TERB1: variants seen among roughly 807,000 people sequenced by gnomAD.
TERB1 encodes telomere repeats-binding bouquet formation protein 1.
In TERB1, 63 loss-of-function variants were observed where a neutral mutation model predicts 92.3. The ratio of observed to expected loss-of-function variants is 0.68; its 90% CI spans 0.56 to 0.84. TERB1 has a LOEUF of 0.84. TERB1 is among the 40% of genes least tolerant of loss of function. The pLI is 0.00. For synonymous variants in TERB1, 252 were observed against 283.9 expected, an observed-to-expected ratio of 0.89 and a Z score of 1.13; for missense variants, 709 against 843.7, an observed-to-expected ratio of 0.84 and a Z score of 1.98.
intron 10 of TERB1, among the ~76,000 whole-genome samples, chr16:66,778,579 G>A (rs139130441): frequency 4.9e-4 from 75 of 152,104 alleles, no homozygotes; most frequent in African/African-American, 1.8e-3. Context: ...CACCACGTTT[G>A]GCTAATTTTT....
chr16:66,762,370 A>T (rs750667995), intron 16 of TERB1, among the ~76,000 whole-genome samples: 1 of 152,130 alleles, frequency 6.6e-6, no homozygotes, highest in Non-Finnish European at 1.5e-5. Context: ...TTAACAGATA[A>T]GGAATTGTTT....
chr16:66,790,811 T>C (rs1441081986), intron 4 of TERB1, 88 bp from the exon 5 acceptor site: 2 of 1,437,796 alleles, frequency 1.4e-6, no homozygotes, highest in African/African-American at 2.8e-5. Flanking sequence ...ACATGATATG[T>C]AGAATAACTG....
At chr16:66,762,378 T>G (rs896595573) in intron 16 of TERB1, among the ~76,000 whole-genome samples, 8 of 152,096 alleles carry the variant, frequency 5.3e-5, no homozygotes, top group African/African-American at 1.7e-4. Context: ...TAAGGAATTG[T>G]TTTTTGTTTG....
At chr16:66,788,098 A>C in intron 6 of TERB1, 71 bp downstream of exon 6, 1 of 1,207,072 alleles carries the variant, frequency 8.3e-7, no homozygotes, top group Non-Finnish European at 1.1e-6. Flanking sequence ...TAAGAACTCA[A>C]ATAAAAAATT....
chr16:66,767,658 C>CTTTCTGT, intron 15 of TERB1, 148 bp from the exon 16 acceptor site: 1 of 558,652 alleles, frequency 1.8e-6, no homozygotes, highest in Admixed American at 3.7e-5. Flanking sequence ...GATTCTGGAT[C>CTTTCTGT]TTAATGGAAG....
Position 66,773,353 on chromosome 16 carries a change from T to A in TERB1, c.1112-604A>T, listed in dbSNP as rs867026799. Among the ~76,000 whole-genome samples the A allele has an allele frequency of 1.7e-4, 25 of 151,456 alleles. No individual in the cohort carries two copies. The South Asian group carries it at 2.9e-3, about 18-fold the overall frequency. ...CGTCTCAAAAATAAAGTAGTTTTTT[T>A]AAAAAAATAATGTTCAAAAATTGAT... On this transcript the variant is annotated intron_variant, in intron 12 of 18. Transcript: ENST00000433154.
chr16:66,785,826 G>A lies in TERB1; in HGVS notation c.660C>T (p.Arg220=). 1 of 1,548,242 alleles carries A rather than the reference G, an allele frequency of 6.5e-7. No individual in the cohort carries two copies. Reference sequence around the variant, plus strand: ...TGAGTCCAATAAATGAGCAAATAGGGCGAATTATCTCAGGTGTCGTGCAAT... The same window carrying A: ...TGAGTCCAATAAATGAGCAAATAGGACGAATTATCTCAGGTGTCGTGCAAT... ...LKNCTTPEII[R]PICSFIGLTL... Residue 220 remains arginine, a synonymous_variant, in exon 9 of 19, where the codon CGC becomes CGT. Transcript: ENST00000433154.
Position 66,770,230 on chromosome 16 carries a change from T to A in TERB1, c.1352A>T (p.His451Leu). The change falls in exon 14 of 19, where the codon CAT becomes CTT. Residue 451 changes from histidine to leucine, a missense_variant. Transcript: ENST00000433154. Reference sequence around the variant, plus strand: ...GCTACCTCGACCAATCCGATCTGCATGGAGATGTTTCCATGTATTCTGAAT... The same window carrying A: ...GCTACCTCGACCAATCCGATCTGCAAGGAGATGTTTCCATGTATTCTGAAT... Reference protein sequence around the residue: ...ISIQNTWKHLHADRIGRGSKA... With the variant: ...ISIQNTWKHLLADRIGRGSKA... 1 of 1,552,144 alleles carries A rather than the reference T, an allele frequency of 6.4e-7. No individual in the cohort carries two copies. The highest frequency in any genetic ancestry group is 1.4e-5 in the African/African-American group (1 of 73,194).
At chr16:66,756,349 A>C (rs952043104) in intron 18 of TERB1, among the ~76,000 whole-genome samples, 3 of 152,230 alleles carry the variant, frequency 2.0e-5, no homozygotes, top group African/African-American at 7.2e-5. Flanking sequence ...GAAGGTTATC[A>C]GTGTAAATGT....
chr16:66,795,584 A>T (rs544736939), intron 3 of TERB1, among the ~76,000 whole-genome samples: 1 of 152,218 alleles, frequency 6.6e-6, no homozygotes, highest in African/African-American at 2.4e-5. Context: ...TGTGGGACTG[A>T]GGTTGGAGGT....
chr16:66,778,300 T>A (rs925590730), intron 10 of TERB1, among the ~76,000 whole-genome samples: 1 of 152,140 alleles, frequency 6.6e-6, no homozygotes, highest in African/African-American at 2.4e-5. Flanking sequence ...AGTCTCGATA[T>A]GTTGACCAAG....
At chr16:66,768,626 CTG>C (rs1451963817) in intron 14 of TERB1, among the ~76,000 whole-genome samples, 1 of 152,146 alleles carries the variant, frequency 6.6e-6, no homozygotes, top group African/African-American at 2.4e-5. Flanking sequence ...TTTGATTATA[CTG>C]TCACAATGAT....
At chr16:66,783,201 G>A (rs1191955720) in intron 9 of TERB1, among the ~76,000 whole-genome samples, 12 of 152,174 alleles carry the variant, frequency 7.9e-5, no homozygotes. Flanking sequence ...GTCTTTCACC[G>A]TTAAGTGTGT....
At chr16:66,797,548 A>AT (rs1291249617) in intron 2 of TERB1, among the ~76,000 whole-genome samples, 1 of 141,480 alleles carries the variant, frequency 7.1e-6, no homozygotes, top group African/African-American at 2.7e-5. Flanking sequence ...CCATTTTCTT[A>AT]TTTTCTTCAT....
intron 13 of TERB1, among the ~76,000 whole-genome samples, chr16:66,771,542 T>C (rs545518080): frequency 3.3e-5 from 5 of 152,248 alleles, no homozygotes; most frequent in Non-Finnish European, 4.4e-5. Context: ...TGGGAGGTCC[T>C]GGAACCAATC....
intron 15 of TERB1, 109 bp from the exon 16 acceptor site, chr16:66,767,619 C>T (rs1440855165): frequency 1.0e-5 from 6 of 578,634 alleles, no homozygotes; most frequent in Non-Finnish European, 1.5e-5. Flanking sequence ...AGTACTATGC[C>T]TCCAGTCATG....
intron 16 of TERB1, among the ~76,000 whole-genome samples, chr16:66,766,478 G>C (rs573269515): frequency 6.6e-6 from 1 of 152,194 alleles, no homozygotes; most frequent in South Asian, 2.1e-4. Context: ...GAGGAGAAGG[G>C]ATGGAATAAG....
chr16:66,786,647 C>T (rs2018733382), intron 6 of TERB1, among the ~76,000 whole-genome samples: 1 of 152,130 alleles, frequency 6.6e-6, no homozygotes, highest in African/African-American at 2.4e-5. Flanking sequence ...TAAGTGCACG[C>T]CTGGCAAGAA....
chr16:66,792,749 A>G (rs1457273596), intron 3 of TERB1, among the ~76,000 whole-genome samples: 1 of 152,234 alleles, frequency 6.6e-6, no homozygotes, highest in Non-Finnish European at 1.5e-5. Flanking sequence ...TATTGCTCCT[A>G]GGCTATAAAC....
Sources: allele counts gnomAD v4.1 joint callset (sites outside exome capture counted in the v4.1 genomes callset), GRCh38; gene constraint gnomAD v4.1.1; transcripts MANE v1.5; gene names NCBI Gene and HGNC (gene_info 2026-07-23, HGNC 2026-07-21).